The following NRXN1 variants were observed in gnomAD, a reference collection of about 807,000 sequenced individuals.
The protein encoded by NRXN1 is neurexin-1.
In NRXN1, 39 loss-of-function variants were observed where a neutral mutation model predicts 150.9. That is an observed-to-expected ratio of 0.26 (90% CI 0.20 to 0.34). The LOEUF is 0.34. Among genes scored for constraint, NRXN1 ranks in the 10% least tolerant of loss-of-function variants. NRXN1 has a pLI of 1.00. For synonymous variants in NRXN1, 924 were observed against 757.0 expected (o/e 1.22, Z -3.62); for missense variants, 1,815 against 1,949.9 (o/e 0.93, Z 1.30).
chr2:50,266,446 T>C (rs1396348065), intron 17 of NRXN1, among the ~76,000 whole-genome samples: 1 of 147,876 alleles, frequency 6.8e-6, no homozygotes. Flanking sequence ...TTATATTTTA[T>C]TATAATTATA....
At chr2:49,940,293 A>G (rs900929190) in intron 22 of NRXN1, among the ~76,000 whole-genome samples, 2 of 152,218 alleles carry the variant, frequency 1.3e-5, no homozygotes, top group Non-Finnish European at 2.9e-5. Context: ...TTACCTCAAT[A>G]TGTTAGTTTT....
intron 19 of NRXN1, among the ~76,000 whole-genome samples, chr2:50,060,662 T>C (rs1694386858): frequency 6.6e-6 from 1 of 152,134 alleles, no homozygotes; most frequent in African/African-American, 2.4e-5. Flanking sequence ...GGGAGGTAAT[T>C]GAATCATGGG....
intron 18 of NRXN1, among the ~76,000 whole-genome samples, chr2:50,212,197 A>C (rs2063071569): frequency 1.3e-5 from 2 of 151,678 alleles, no homozygotes; most frequent in South Asian, 4.1e-4. Context: ...TTCAGTTTTA[A>C]ATTCTACTAA....
chr2:50,565,201 G>GAAT (rs1461053979), intron 8 of NRXN1, among the ~76,000 whole-genome samples: 2 of 152,044 alleles, frequency 1.3e-5, no homozygotes, highest in Non-Finnish European at 2.9e-5. Context: ...AGAGAAGCAG[G>GAAT]AATGGGACCT....
At chr2:50,589,301 C>T (rs564072222) in intron 8 of NRXN1, 9 of 152,290 alleles carry the variant, frequency 5.9e-5, no homozygotes, top group African/African-American at 1.9e-4. Context: ...AAGTTAATAG[C>T]CCCTAGAATG....
At chr2:50,930,898 G>A (rs1172012181) in intron 2 of NRXN1, among the ~76,000 whole-genome samples, 1 of 152,150 alleles carries the variant, frequency 6.6e-6, no homozygotes, top group African/African-American at 2.4e-5. Flanking sequence ...GGTGAGCAGT[G>A]CTTTCCTTTC....
chr2:50,629,718 C>T (rs1681904724), intron 5 of NRXN1, among the ~76,000 whole-genome samples: 1 of 151,524 alleles, frequency 6.6e-6, no homozygotes, highest in Non-Finnish European at 1.5e-5. Context: ...GACACTATTC[C>T]TATTAATGCT....
At chr2:50,514,027 C>T (rs372191356) in intron 12 of NRXN1, among the ~76,000 whole-genome samples, 1 of 152,216 alleles carries the variant, frequency 6.6e-6, no homozygotes, top group Admixed American at 6.5e-5. Flanking sequence ...ACAGTGCAAA[C>T]CAATTGGTTC....
intron 17 of NRXN1, among the ~76,000 whole-genome samples, chr2:50,309,758 T>C (rs778889072): frequency 4.6e-4 from 70 of 152,154 alleles, no homozygotes; most frequent in Non-Finnish European, 8.4e-4. Context: ...GAAATAATTA[T>C]TAATTGCACT....
At chr2:50,078,960 C>T (rs894803912) in intron 19 of NRXN1, among the ~76,000 whole-genome samples, 2 of 151,960 alleles carry the variant, frequency 1.3e-5, no homozygotes, top group African/African-American at 2.4e-5. Flanking sequence ...TAGGGAATCC[C>T]GACTTCAACA....
At chr2:50,761,930 T>C (rs1017253890) in intron 5 of NRXN1, among the ~76,000 whole-genome samples, 7 of 151,816 alleles carry the variant, frequency 4.6e-5, no homozygotes, top group Non-Finnish European at 8.8e-5. Context: ...ACCTACATCA[T>C]TGGTTTGCCA....
At chr2:50,628,249 G>C (rs1559043496) in intron 5 of NRXN1, among the ~76,000 whole-genome samples, 1 of 151,738 alleles carries the variant, frequency 6.6e-6, no homozygotes, top group Non-Finnish European at 1.5e-5. Context: ...GAAGTTATAT[G>C]GGTGTTGATG....
At chr2:50,546,989 G>A (rs114448604) in intron 9 of NRXN1, among the ~76,000 whole-genome samples, 2,019 of 152,268 alleles carry the variant, frequency 0.013, 23 homozygotes, top group Middle Eastern at 0.054. Context: ...GGTGATTCAT[G>A]AATGGTGTAC....
At chr2:50,122,026 C>A (rs563941036) in intron 18 of NRXN1, among the ~76,000 whole-genome samples, 35 of 152,148 alleles carry the variant, frequency 2.3e-4, no homozygotes, top group Non-Finnish European at 5.0e-4. Context: ...ATAGTTACTG[C>A]GTTTTCATAA....
chr2:50,810,343 G>T (rs116728315), intron 5 of NRXN1, among the ~76,000 whole-genome samples: 6,120 of 152,224 alleles, frequency 0.04, 138 homozygotes, highest in Admixed American at 0.069. Flanking sequence ...ATACTGAGAG[G>T]AATAGAGAGA....
At chr2:50,404,154 GT>G (rs35933407) in intron 17 of NRXN1, among the ~76,000 whole-genome samples, 40,946 of 149,014 alleles carry the variant, frequency 0.27, 5,846 homozygotes, top group East Asian at 0.46. Flanking sequence ...ATTTTGTTTA[GT>G]TTTTTTTTGT....
At chr2:50,040,366 A>T (rs1369599870) in intron 21 of NRXN1, among the ~76,000 whole-genome samples, 2 of 150,632 alleles carry the variant, frequency 1.3e-5, no homozygotes, top group African/African-American at 4.9e-5. Flanking sequence ...ATCAAGTATT[A>T]TATATATAAT....
At chr2:50,657,301 A>T (rs1045516825) in intron 5 of NRXN1, among the ~76,000 whole-genome samples, 1 of 152,024 alleles carries the variant, frequency 6.6e-6, no homozygotes, top group East Asian at 1.9e-4. Context: ...CCAACATGTT[A>T]TTCACTGTGT....
At position 50,579,152 on chromosome 2, in the gene NRXN1, C is replaced by T. The variant is rs145777394; in HGVS notation, c.1321-26127G>A. Among the ~76,000 whole-genome samples, 271 of 152,268 alleles carry T rather than the reference C, an allele frequency of 1.8e-3. 1 individual carries two copies. The highest frequency in any genetic ancestry group is 6.0e-3 in the African/African-American group (249 of 41,548). ...AAACTGTGGGTAGAGCGAAATGAGG[C>T]GTCTTGTTTTGCACCAGTTTTTAAA... On this transcript the variant is annotated intron_variant, in intron 8 of 22. Coordinates refer to ENST00000401669, the MANE Select transcript of NRXN1 (RefSeq NM_001330078.2).
Sources: gnomAD v4.1 joint callset for allele counts (sites outside exome capture counted in the v4.1 genomes callset) on GRCh38, gnomAD v4.1.1 for gene constraint, MANE v1.5 for transcripts, NCBI Gene and HGNC (gene_info 2026-07-23, HGNC 2026-07-21) for gene names.